The following PPFIA2 variants were observed in gnomAD, a reference collection of about 807,000 sequenced individuals.
The protein encoded by PPFIA2 is liprin-alpha-2.
PPFIA2 carries 46 observed loss-of-function variants against 175.5 expected under a neutral mutation model. The observed-to-expected ratio is 0.26, with a 90% CI of 0.21 to 0.34. The LOEUF is 0.34. Among genes scored for constraint, PPFIA2 ranks in the 10% least tolerant of loss-of-function variants. PPFIA2 has a pLI of 1.00. For synonymous variants in PPFIA2, 568 were observed against 511.4 expected (o/e 1.11, Z -1.49); for missense variants, 1,179 against 1,506.1 (o/e 0.78, Z 3.60).
chr12:81,326,274 T>C (rs1329772040), intron 21 of PPFIA2, among the ~76,000 whole-genome samples: 1 of 152,164 alleles, frequency 6.6e-6, no homozygotes, highest in Non-Finnish European at 1.5e-5. Context: ...ATTTCACATA[T>C]AATGGGATAA....
At chr12:81,650,066 G>C (rs935745856) in intron 4 of PPFIA2, among the ~76,000 whole-genome samples, 1 of 151,670 alleles carries the variant, frequency 6.6e-6, no homozygotes, top group African/African-American at 2.4e-5. Flanking sequence ...CTGGAGTGCA[G>C]TGGTGCGATC....
At chr12:81,450,991 T>G (rs2052461584) in intron 5 of PPFIA2, among the ~76,000 whole-genome samples, 1 of 152,152 alleles carries the variant, frequency 6.6e-6, no homozygotes, top group African/African-American at 2.4e-5. Context: ...GGAATAGCTA[T>G]GGATCCATGT....
chr12:81,559,658 T>C (rs1269210240), intron 4 of PPFIA2, among the ~76,000 whole-genome samples: 2 of 152,162 alleles, frequency 1.3e-5, no homozygotes, highest in Non-Finnish European at 1.5e-5. Flanking sequence ...TGTCAAGGAT[T>C]TCTCAAAAAC....
chr12:81,562,399 T>C (rs536361521), intron 4 of PPFIA2, among the ~76,000 whole-genome samples: 3 of 152,282 alleles, frequency 2.0e-5, no homozygotes, highest in East Asian at 1.9e-4. Flanking sequence ...TACCCTATTA[T>C]ATTTACTGCC....
intron 4 of PPFIA2, among the ~76,000 whole-genome samples, chr12:81,544,723 A>T (rs1393215947): frequency 1.3e-5 from 2 of 152,112 alleles, no homozygotes; most frequent in Non-Finnish European, 2.9e-5. Context: ...CTGATGAAAT[A>T]TAGAGGTTTC....
intron 21 of PPFIA2, among the ~76,000 whole-genome samples, chr12:81,331,056 A>C (rs2140018033): frequency 6.6e-6 from 1 of 152,364 alleles, no homozygotes. Context: ...GAACAATCTA[A>C]GTTTTGGCGT....
chr12:81,454,925 T>C lies in PPFIA2; in HGVS notation c.405+2840A>G, dbSNP rs1464482727. On this transcript the variant is annotated intron_variant, in intron 5 of 32. Transcript: ENST00000549396. ...GTGCAGTGACACGATCTCTGCTCAC[T>C]GCAATCTCACCCTCCTGGATTCAAG... 3.3e-5 allele frequency among the ~76,000 whole-genome samples: 5 copies of C among 152,314 alleles called. No homozygotes were observed. In the East Asian group the frequency reaches 9.6e-4, roughly 29 times the overall value.
intron 21 of PPFIA2, among the ~76,000 whole-genome samples, chr12:81,328,522 C>T (rs907282762): frequency 2.6e-5 from 4 of 151,782 alleles, no homozygotes; most frequent in African/African-American, 9.7e-5. Context: ...AAAATTAATC[C>T]CACCTATCTC....
At chr12:81,436,996 T>G (rs2049178269) in intron 7 of PPFIA2, among the ~76,000 whole-genome samples, 1 of 152,158 alleles carries the variant, frequency 6.6e-6, no homozygotes, top group Non-Finnish European at 1.5e-5. Flanking sequence ...CAAATGGCAT[T>G]CAGAAAAGTC....
chr12:81,519,020 C>G (rs1384687287), intron 4 of PPFIA2, among the ~76,000 whole-genome samples: 3 of 152,030 alleles, frequency 2.0e-5, no homozygotes, highest in Non-Finnish European at 4.4e-5. Flanking sequence ...TTGTGTAAAG[C>G]CAATGATATA....
At chr12:81,609,735 T>C (rs2060697150) in intron 4 of PPFIA2, among the ~76,000 whole-genome samples, 3 of 152,148 alleles carry the variant, frequency 2.0e-5, no homozygotes, top group African/African-American at 7.2e-5. Context: ...AGTTTGCCAC[T>C]CTGTGTCCTT....
chr12:81,684,104 A>T (rs2074089797), intron 3 of PPFIA2, among the ~76,000 whole-genome samples: 1 of 152,114 alleles, frequency 6.6e-6, no homozygotes, highest in Non-Finnish European at 1.5e-5. Flanking sequence ...TGAAGGGGAC[A>T]AACATTAAAA....
chr12:81,277,212 T>C (rs2040747946), intron 28 of PPFIA2, 105 bp downstream of exon 28: 4 of 869,492 alleles, frequency 4.6e-6, no homozygotes, highest in Non-Finnish European at 6.4e-6. Context: ...CAAATACTTA[T>C]GCTACTTACT....
chr12:81,404,008 C>T (rs964873158), intron 8 of PPFIA2, among the ~76,000 whole-genome samples: 1 of 152,104 alleles, frequency 6.6e-6, no homozygotes, highest in Non-Finnish European at 1.5e-5. Flanking sequence ...TTGGTCTCTC[C>T]CTTTGCCTCA....
At chr12:81,353,399 A>G (rs1235906526) in intron 16 of PPFIA2, 60 bp from the exon 17 acceptor site, 21 of 1,246,502 alleles carry the variant, frequency 1.7e-5, no homozygotes, top group Non-Finnish European at 2.5e-5. Context: ...CAAAGCATTA[A>G]TCTCAAAGAC....
In PPFIA2 at chr12:81,445,632, G is replaced by A. The variant is rs779142085; in HGVS notation, c.494C>T (p.Ser165Leu). 1.2e-6 allele frequency: 2 copies of A among 1,613,784 alleles called. No individual in the cohort carries two copies. Among genetic ancestry groups the A allele is most frequent in the African/African-American group, 1.3e-5 (1 of 74,902 alleles). Residue 165 changes from serine to leucine, a missense_variant, in exon 6 of 33, where the codon TCA (serine) becomes TTA (leucine). Physicochemically the swap from Ser to Leu is moderately radical, Grantham distance 145. Transcript: ENST00000549396. Reference protein sequence around the residue: ...TVVKRQAQSPSGVSSEVEVLK... With the variant: ...TVVKRQAQSPLGVSSEVEVLK... ...AACTTCAACTTCACTGGATACTCCT[G>A]AGGGAGACTGGGCTTGCCGTTTTAC...
Position 81,347,697 on chromosome 12 carries a change from G to A in PPFIA2, c.2068C>T (p.Leu690Phe), listed in dbSNP as rs1327341538. Residue 690 changes from leucine (L) to phenylalanine (F), a missense_variant, in exon 18 of 33, where the codon CTC (leucine) becomes TTC (phenylalanine). By Grantham distance (22) the Leu-to-Phe change is conservative (BLOSUM62 0). Transcript: ENST00000549396. The stretch of plus-strand genomic sequence containing the variant: ...ACCCTTGCCAAATTCAGGCCTTCGA[G>A]GCTCACACTAGCCACTCTATTTTCA... ...EIENRVASVSLEGLNLARVHP... is the reference protein window; with the variant it reads ...EIENRVASVSFEGLNLARVHP... The A allele has an allele frequency of 6.2e-7, 1 of 1,613,820 alleles. No individual in the cohort carries two copies. The highest frequency in any genetic ancestry group is 1.1e-5 in the South Asian group (1 of 91,082).
chr12:81,642,735 A>ATATTATATACATACGTGTACG (rs1567688489), intron 4 of PPFIA2, among the ~76,000 whole-genome samples: 3 of 7,074 alleles, frequency 4.2e-4, no homozygotes, highest in Non-Finnish European at 4.9e-4. Flanking sequence ...ATACATGTAT[A>ATATTATATACATACGTGTACG]TGTATGTATG....
intron 4 of PPFIA2, among the ~76,000 whole-genome samples, chr12:81,514,029 T>C (rs192871225): frequency 6.6e-6 from 1 of 152,144 alleles, no homozygotes; most frequent in Admixed American, 6.5e-5. Context: ...CATATGATTA[T>C]TTCTTGAATT....
Sources: allele counts gnomAD v4.1 joint callset (sites outside exome capture counted in the v4.1 genomes callset), GRCh38; gene constraint gnomAD v4.1.1; transcripts MANE v1.5; gene names NCBI Gene and HGNC (gene_info 2026-07-23, HGNC 2026-07-21).